The following PPFIA2 variants were observed in gnomAD, a reference collection of about 807,000 sequenced individuals.
The protein encoded by PPFIA2 is liprin-alpha-2.
Under a neutral mutation model 175.5 loss-of-function variants are expected in PPFIA2, and 46 were observed. That is an observed-to-expected ratio of 0.26 (90% confidence interval 0.21 to 0.34). The LOEUF (loss-of-function observed/expected upper bound fraction) is 0.34. Among genes scored for constraint, PPFIA2 ranks in the 10% least tolerant of loss-of-function variants. The pLI, the probability that PPFIA2 is intolerant of heterozygous loss-of-function variation, is 1.00. For synonymous variants in PPFIA2, 568 were observed against 511.4 expected (o/e 1.11, Z -1.49); for missense variants, 1,179 against 1,506.1 (o/e 0.78, Z 3.60).
intron 21 of PPFIA2, among the ~76,000 whole-genome samples, chr12:81,336,352 A>T (rs998423485): frequency 3.3e-5 from 5 of 152,198 alleles, no homozygotes; most frequent in Non-Finnish European, 5.9e-5. Flanking sequence ...CTATGCTAGT[A>T]ATACATTAGT....
chr12:81,287,297 A>G (rs941131944), intron 24 of PPFIA2, among the ~76,000 whole-genome samples: 1 of 151,968 alleles, frequency 6.6e-6, no homozygotes, highest in Non-Finnish European at 1.5e-5. Context: ...AACTACCTGT[A>G]TTAATTATCT....
intron 9 of PPFIA2, among the ~76,000 whole-genome samples, chr12:81,381,848 T>G (rs905794006): frequency 1.3e-5 from 2 of 152,170 alleles, no homozygotes; most frequent in Non-Finnish European, 2.9e-5. Context: ...TAGTACATAT[T>G]CTGATATCAT....
intron 4 of PPFIA2, among the ~76,000 whole-genome samples, chr12:81,523,426 G>A (rs924476078): frequency 9.9e-5 from 15 of 152,056 alleles, no homozygotes; most frequent in Non-Finnish European, 7.4e-5. Flanking sequence ...AAACACAAAA[G>A]TATTTCAACA....
At chr12:81,631,389 TTGAA>T (rs750271972) in intron 4 of PPFIA2, among the ~76,000 whole-genome samples, 3 of 152,160 alleles carry the variant, frequency 2.0e-5, no homozygotes, top group Non-Finnish European at 4.4e-5. Context: ...TTCTGGAACA[TTGAA>T]TGAATGAATG....
chr12:81,725,115 T>C (rs1568016367), intron 3 of PPFIA2, among the ~76,000 whole-genome samples: 2 of 150,994 alleles, frequency 1.3e-5, no homozygotes, highest in Non-Finnish European at 1.5e-5. Flanking sequence ...ATGTTGCAAA[T>C]TGCCTATATA....
At chr12:81,303,614 ACT>A (rs1238355017) in intron 22 of PPFIA2, among the ~76,000 whole-genome samples, 2 of 152,166 alleles carry the variant, frequency 1.3e-5, no homozygotes, top group Admixed American at 1.3e-4. Flanking sequence ...TCAATAAGTT[ACT>A]GTGACTAGAA....
intron 3 of PPFIA2, among the ~76,000 whole-genome samples, chr12:81,722,600 A>G (rs1383944610): frequency 6.6e-6 from 1 of 151,082 alleles, no homozygotes; most frequent in African/African-American, 2.4e-5. Context: ...TCTCAATTCC[A>G]TATTAAGCTT....
chr12:81,275,342 T>C (rs903607523), intron 28 of PPFIA2, among the ~76,000 whole-genome samples: 4 of 152,226 alleles, frequency 2.6e-5, no homozygotes, highest in Admixed American at 2.0e-4. Flanking sequence ...GTCTGTCTAC[T>C]CTCCGATGAG....
intron 4 of PPFIA2, among the ~76,000 whole-genome samples, chr12:81,609,291 A>AC (rs2060651154): frequency 6.6e-6 from 1 of 151,972 alleles, no homozygotes; most frequent in Non-Finnish European, 1.5e-5. Flanking sequence ...GTCTACTAGG[A>AC]CCAATTGGTC....
chr12:81,281,271 C>T lies in PPFIA2; in HGVS notation c.3198G>A (p.Val1066=). The change falls in exon 27 of 33, where the codon GTG becomes GTA. Residue 1066 remains valine, a synonymous_variant. Coordinates refer to ENST00000549396, the MANE Select transcript of PPFIA2 (RefSeq NM_003625.5). ...KKDLRVHLKM[V]DSFHRTSLQY... ...AAAACACCTACCGATGGAAACTATCCACCATTTTTAAATGGACACGGAGAT... is the reference window on the plus strand; with the variant it reads ...AAAACACCTACCGATGGAAACTATCTACCATTTTTAAATGGACACGGAGAT... The T allele has an allele frequency of 6.3e-7, 1 of 1,597,974 alleles. No individual in the cohort carries two copies. Among genetic ancestry groups the T allele is most frequent in the Non-Finnish European group, 8.5e-7 (1 of 1,171,262 alleles).
intron 7 of PPFIA2, 37 bp from the exon 8 acceptor site, chr12:81,405,940 T>C: frequency 8.4e-7 from 1 of 1,191,786 alleles, no homozygotes; most frequent in South Asian, 1.4e-5. Flanking sequence ...AAAGTCTAAA[T>C]AGGGAATAAA....
At chr12:81,712,753 CT>C (rs888094509) in intron 3 of PPFIA2, among the ~76,000 whole-genome samples, 228 of 141,768 alleles carry the variant, frequency 1.6e-3, no homozygotes, top group Admixed American at 2.1e-3. Context: ...TGGGACATCA[CT>C]TTTTTTTTTT....
chr12:81,519,887 T>C lies in PPFIA2; in HGVS notation c.304-62021A>G, dbSNP rs118097088. Among the ~76,000 whole-genome samples the C allele has an allele frequency of 7.2e-4, 109 of 152,314 alleles. 1 individual carries two copies. The East Asian group carries it at 8.7e-3, about 12-fold the overall frequency. ...CAAATTTTATATATGTCTTTCCCTG[T>C]ATATATGTACATGTAATAAAGTTTA... On this transcript the variant is annotated intron_variant, in intron 4 of 32. Coordinates refer to ENST00000549396, the MANE Select transcript of PPFIA2 (RefSeq NM_003625.5).
intron 2 of PPFIA2, among the ~76,000 whole-genome samples, chr12:81,756,945 C>T (rs1305555966): frequency 6.6e-6 from 1 of 152,104 alleles, no homozygotes; most frequent in African/African-American, 2.4e-5. Context: ...TTATACCTTG[C>T]AGTCAACCCA....
intron 9 of PPFIA2, among the ~76,000 whole-genome samples, chr12:81,378,548 T>C (rs1004508983): frequency 6.6e-6 from 1 of 152,210 alleles, no homozygotes; most frequent in Non-Finnish European, 1.5e-5. Flanking sequence ...TGACTTTTTC[T>C]ACTTTACATA....
intron 4 of PPFIA2, among the ~76,000 whole-genome samples, chr12:81,607,216 T>C (rs1047729448): frequency 1.4e-4 from 21 of 152,260 alleles, no homozygotes; most frequent in African/African-American, 4.6e-4. Flanking sequence ...TGGAGGCTTA[T>C]AGTTTGAAGT....
rs1595101958 is a variant in PPFIA2 at position 81,341,288 on chromosome 12, C to G, written c.2263-80G>C. 9 of 1,397,648 alleles carry G rather than the reference C, an allele frequency of 6.4e-6. No individual in the cohort carries two copies. In the East Asian group the frequency reaches 2.1e-4, roughly 33 times the overall value. The allele number at this position is 1,397,648 out of a possible 1,614,324, so 86.6% of individuals were successfully genotyped here. A position where few individuals can be genotyped will look rare whatever the true frequency, so the allele number is the denominator to read the frequency against. The stretch of plus-strand genomic sequence containing the variant: ...TGACACAAATGGAGAATCATGAGAA[C>G]AAGGCTGTCGAGTAATTTTAATACA... On this transcript the variant is annotated intron_variant, in intron 19 of 32. Transcript: ENST00000549396.
intron 21 of PPFIA2, among the ~76,000 whole-genome samples, chr12:81,326,105 C>G (rs749133309): frequency 3.9e-5 from 6 of 152,038 alleles, no homozygotes; most frequent in Non-Finnish European, 7.4e-5. Context: ...CACCCAGTGG[C>G]AACATAATAA....
chr12:81,468,185 C>A (rs1445939674), intron 4 of PPFIA2, among the ~76,000 whole-genome samples: 4 of 152,106 alleles, frequency 2.6e-5, no homozygotes, highest in Non-Finnish European at 5.9e-5. Context: ...ACAGAGGAAC[C>A]AACCTACTTC....
Sources: allele counts gnomAD v4.1 joint callset (sites outside exome capture counted in the v4.1 genomes callset), GRCh38; gene constraint gnomAD v4.1.1; transcripts MANE v1.5; gene names NCBI Gene and HGNC (gene_info 2026-07-23, HGNC 2026-07-21).